Variants in MMS22L observed in about 807,000 individuals in gnomAD.
The protein encoded by MMS22L is MMS22 like, DNA repair protein, also known as protein MMS22-like.
Under a neutral mutation model 159.1 loss-of-function variants are expected in MMS22L, and 74 were observed. The ratio of observed to expected loss-of-function variants is 0.47; its 90% confidence interval spans 0.39 to 0.56. The LOEUF (loss-of-function observed/expected upper bound fraction) is 0.56, where lower values mean the gene tolerates loss of function less well. Ranked by LOEUF, MMS22L falls within the 20% of genes least tolerant of loss-of-function variation. MMS22L has a pLI of 0.00. For synonymous variants in MMS22L, 517 were observed against 506.9 expected, an observed-to-expected ratio of 1.02 and a Z score of -0.27; for missense variants, 1,351 against 1,422.1, an observed-to-expected ratio of 0.95 and a Z score of 0.80.
chr6:97,240,061 T>C (rs929204074), intron 11 of MMS22L, among the ~76,000 whole-genome samples: 1 of 152,224 alleles, frequency 6.6e-6, no homozygotes, highest in African/African-American at 2.4e-5. Context: ...TCAAAGTACA[T>C]GACCATGGTC....
rs1403739773 is a variant in MMS22L, at chr6:97,162,155, G to C, written c.3232C>G (p.Leu1078Val). ...GGAGGTGAGGACCCCTTATACTCAAGGTAGGATTTCCTGAAAAGAAGCAAA... is the reference window on the plus strand; with the variant it reads ...GGAGGTGAGGACCCCTTATACTCAACGTAGGATTTCCTGAAAAGAAGCAAA... Reference protein sequence around the residue: ...CIVQVIRKSYLEYKGSSPPPR... With the variant: ...CIVQVIRKSYVEYKGSSPPPR... The change falls in exon 22 of 25, where the codon CTT becomes GTT. Residue 1078 changes from leucine to valine, a missense_variant. Physicochemically the swap from Leu to Val is conservative, Grantham distance 32. Coordinates refer to ENST00000683635, the MANE Select transcript of MMS22L (RefSeq NM_001350599.2). The C allele has an allele frequency of 6.3e-7, 1 of 1,590,578 alleles. No individual in the cohort carries two copies. Among genetic ancestry groups the C allele is most frequent in the South Asian group, 1.2e-5 (1 of 86,340 alleles).
Position 97,259,121 on chromosome 6 carries a change from C to A in MMS22L, c.942+4214G>T, listed in dbSNP as rs151240344. ...AATTGAACACATATATATACACACACACACATTGCCTTTTTCCTAATTTCT... is the reference window on the plus strand; with the variant it reads ...AATTGAACACATATATATACACACAAACACATTGCCTTTTTCCTAATTTCT... On this transcript the variant is annotated intron_variant, in intron 9 of 24. Transcript: ENST00000683635. The A allele has an allele frequency of 2.0e-5, 3 of 152,286 alleles. No individual in the cohort carries two copies. The East Asian group carries it at 5.8e-4, about 29-fold the overall frequency. The allele number at this position is 152,286 out of a possible 1,614,324, so 9.4% of individuals were successfully genotyped here.
At chr6:97,151,418 T>C (rs1387070938) in intron 23 of MMS22L, among the ~76,000 whole-genome samples, 1 of 152,170 alleles carries the variant, frequency 6.6e-6, no homozygotes, top group Non-Finnish European at 1.5e-5. Context: ...CTATAGCACC[T>C]AGGTTTGTAT....
At chr6:97,231,836 A>C (rs1419468471) in intron 12 of MMS22L, among the ~76,000 whole-genome samples, 184 bp from the exon 13 acceptor site, 1 of 152,188 alleles carries the variant, frequency 6.6e-6, no homozygotes, top group African/African-American at 2.4e-5. Context: ...GAGGTGTCCA[A>C]ATTTTGGATT....
At chr6:97,165,558 G>A in intron 20 of MMS22L, 101 bp from the exon 21 acceptor site, 1 of 956,200 alleles carries the variant, frequency 1.0e-6, no homozygotes, top group East Asian at 2.6e-5. Flanking sequence ...ATAATCATGT[G>A]AGAATATAAA....
In MMS22L at chr6:97,257,763, A is replaced by G. The variant is rs113232172; in HGVS notation, c.943-3030T>C. ...TTTCAAGGCATCATATTGATGGTAC[A>G]TGATATCAATCTGTCCTATTACTAG... On this transcript the variant is annotated intron_variant, in intron 9 of 24. Transcript: ENST00000683635. 3.2e-3 allele frequency among the ~76,000 whole-genome samples: 479 copies of G among 151,812 alleles called. 3 individuals carry two copies. The highest frequency in any genetic ancestry group is 0.011 in the African/African-American group (458 of 41,534).
At chr6:97,222,902 C>T (rs561715788) in intron 14 of MMS22L, among the ~76,000 whole-genome samples, 2 of 152,212 alleles carry the variant, frequency 1.3e-5, no homozygotes, top group African/African-American at 4.8e-5. Context: ...AAATGAAAGA[C>T]TGCCATTTTT....
rs569698582 is a variant in MMS22L at position 97,163,443 on chromosome 6, T to TA, written c.3222-1279dup. 3.9e-4 allele frequency among the ~76,000 whole-genome samples: 59 copies of TA among 150,458 alleles called. No homozygotes were observed. The South Asian group carries it at 4.2e-3, about 11-fold the overall frequency. On this transcript the variant is annotated intron_variant, in intron 21 of 24. Transcript: ENST00000683635. Reference sequence around the variant, plus strand: ...CAATCTCTATATCTTTCCTGAGTATTAAAAAAAAAGCCTTCAACTATAAAC... The same window carrying TA: ...CAATCTCTATATCTTTCCTGAGTATTAAAAAAAAAAGCCTTCAACTATAAAC...
At chr6:97,178,616 A>G in intron 17 of MMS22L, 31 bp from the exon 18 acceptor site, 1 of 1,211,704 alleles carries the variant, frequency 8.3e-7, no homozygotes, top group Non-Finnish European at 1.2e-6. Context: ...TTGTTATATC[A>G]ATTTATATAA....
intron 14 of MMS22L, among the ~76,000 whole-genome samples, chr6:97,211,762 A>T (rs1010004261): frequency 6.6e-6 from 1 of 152,196 alleles, no homozygotes; most frequent in Non-Finnish European, 1.5e-5. Flanking sequence ...TCAATAACAC[A>T]GTGCTATAAT....
At chr6:97,215,114 A>T (rs5878468) in intron 14 of MMS22L, among the ~76,000 whole-genome samples, 20,462 of 86,992 alleles carry the variant, frequency 0.24, 1,589 homozygotes, top group Middle Eastern at 0.32. Flanking sequence ...ATATATATAT[A>T]TTTTTTTTTT....
intron 14 of MMS22L, among the ~76,000 whole-genome samples, chr6:97,225,730 G>A (rs1388659218): frequency 2.0e-5 from 3 of 151,932 alleles, no homozygotes; most frequent in Non-Finnish European, 4.4e-5. Flanking sequence ...CCGCCACCAC[G>A]CCCGATTAAT....
intron 20 of MMS22L, among the ~76,000 whole-genome samples, chr6:97,165,963 G>T (rs1802923416): frequency 1.3e-5 from 2 of 152,042 alleles, no homozygotes; most frequent in African/African-American, 4.8e-5. Flanking sequence ...AATTTACTTA[G>T]TTTTCCTATA....
Position 97,188,714 on chromosome 6 carries a change from C to T in MMS22L, c.2040-2024G>A, listed in dbSNP as rs542449921. ...AGGTTAAAGAAATTTCATCCCAGCACTTTGGGAGGCCAGGGTGGGTGGATC... is the reference window on the plus strand; with the variant it reads ...AGGTTAAAGAAATTTCATCCCAGCATTTTGGGAGGCCAGGGTGGGTGGATC... On this transcript the variant is annotated intron_variant, in intron 14 of 24. Transcript: ENST00000683635. Among the ~76,000 whole-genome samples, 6 of 152,288 alleles carry T rather than the reference C, an allele frequency of 3.9e-5. No individual in the cohort carries two copies. The East Asian group carries it at 9.7e-4, about 25-fold the overall frequency.
At chr6:97,210,971 A>T (rs1228438719) in intron 14 of MMS22L, among the ~76,000 whole-genome samples, 2 of 152,028 alleles carry the variant, frequency 1.3e-5, no homozygotes, top group African/African-American at 4.8e-5. Flanking sequence ...ATGACCATGG[A>T]GACATAAAAA....
chr6:97,182,247 G>A (rs1349595822), intron 15 of MMS22L, among the ~76,000 whole-genome samples, 193 bp from the exon 16 acceptor site: 1 of 151,710 alleles, frequency 6.6e-6, no homozygotes, highest in Non-Finnish European at 1.5e-5. Context: ...AATTTCTGTA[G>A]CATCTAGATC....
At chr6:97,239,287 C>T (rs189138552) in intron 11 of MMS22L, among the ~76,000 whole-genome samples, 3 of 152,162 alleles carry the variant, frequency 2.0e-5, no homozygotes, top group Non-Finnish European at 1.5e-5. Flanking sequence ...TTTTTAAAAT[C>T]AGGCTTACTT....
In MMS22L at chr6:97,142,213, TAA is replaced by T. The variant is rs912049789; in HGVS notation, c.*4591_*4592del. On this transcript the variant is annotated 3_prime_UTR_variant, in exon 25 of 25. Coordinates refer to ENST00000683635, the MANE Select transcript of MMS22L (RefSeq NM_001350599.2). The stretch of plus-strand genomic sequence containing the variant: ...TATATAATTTTATCATATGCACAAA[TAA>T]CTCATAAATATGTATATAAAACTAA... 18 of 151,936 alleles carry T rather than the reference TAA, an allele frequency of 1.2e-4. No homozygotes were observed. Among genetic ancestry groups the T allele is most frequent in the African/African-American group, 4.3e-4 (18 of 41,530 alleles). 9.4% of individuals were successfully genotyped at this position (151,936 alleles called of 1,614,324 possible). A position where few individuals can be genotyped will look rare whatever the true frequency, so the allele number is the denominator to read the frequency against.
At chr6:97,272,032 T>C (rs1815795313) in intron 6 of MMS22L, 1 of 152,172 alleles carries the variant, frequency 6.6e-6, no homozygotes, top group African/African-American at 2.4e-5. Flanking sequence ...AACGGTAAAG[T>C]CAAATATAAT....
Sources: gnomAD v4.1 joint callset for allele counts (sites outside exome capture counted in the v4.1 genomes callset) on GRCh38, gnomAD v4.1.1 for gene constraint, MANE v1.5 for transcripts, NCBI Gene and HGNC (gene_info 2026-07-23, HGNC 2026-07-21) for gene names.